Variants in ZNF385D observed in about 807,000 individuals in gnomAD.
ZNF385D encodes the protein zinc finger protein 659.
A neutral mutation model predicts 35.8 loss-of-function variants in ZNF385D; 15 were observed. The observed-to-expected ratio is 0.42, with a 90% CI of 0.28 to 0.64. The LOEUF (loss-of-function observed/expected upper bound fraction) is 0.64. Ranked by LOEUF, ZNF385D falls within the 30% of genes least tolerant of loss-of-function variation. The pLI is 0.23. For missense variants in ZNF385D, 474 were observed against 494.6 expected, an observed-to-expected ratio of 0.96 and a Z score of 0.39; for synonymous variants, 212 against 186.8, an observed-to-expected ratio of 1.13 and a Z score of -1.10.
At chr3:21,820,976 C>T (rs889689325) in intron 3 of ZNF385D, among the ~76,000 whole-genome samples, 2 of 151,040 alleles carry the variant, frequency 1.3e-5, no homozygotes, top group East Asian at 1.9e-4. Context: ...ATTACAAAAC[C>T]GATTAAAAAA....
rs2125260970 is a variant in ZNF385D at position 21,664,832 on chromosome 3, G to A, written c.165+54C>T. The stretch of plus-strand genomic sequence containing the variant: ...TGGCCGAACCAACCCTGGCCTTTAA[G>A]TTAGTTTTCCAATACCTTCCACTCA... On this transcript the variant is annotated intron_variant, in intron 2 of 7. Coordinates refer to ENST00000281523, the MANE Select transcript of ZNF385D (RefSeq NM_024697.3). The A allele has an allele frequency of 2.5e-6, 4 of 1,611,294 alleles. No individual in the cohort carries two copies. The South Asian group carries it at 4.4e-5, about 18-fold the overall frequency.
chr3:22,233,737 T>A (rs1389074190), intron 2 of ZNF385D, among the ~76,000 whole-genome samples: 1 of 152,050 alleles, frequency 6.6e-6, no homozygotes, highest in Non-Finnish European at 1.5e-5. Flanking sequence ...GACATTCTCA[T>A]CTTTTGAGTT....
At chr3:21,947,225 C>T (rs752919278) in intron 3 of ZNF385D, among the ~76,000 whole-genome samples, 32 of 152,002 alleles carry the variant, frequency 2.1e-4, no homozygotes, top group African/African-American at 7.3e-4. Flanking sequence ...AATACAATAG[C>T]GAATTTACGA....
intron 2 of ZNF385D, among the ~76,000 whole-genome samples, chr3:22,214,560 A>G (rs1426027490): frequency 6.6e-6 from 1 of 152,058 alleles, no homozygotes; most frequent in Non-Finnish European, 1.5e-5. Context: ...TCAGCAAGGA[A>G]CATTCCTGAG....
At chr3:22,176,888 A>T (rs1694865592) in intron 2 of ZNF385D, among the ~76,000 whole-genome samples, 1 of 152,220 alleles carries the variant, frequency 6.6e-6, no homozygotes, top group Admixed American at 6.5e-5. Context: ...AGTAGAATCT[A>T]CTACTATATA....
At chr3:21,911,032 T>C (rs1216413563) in intron 3 of ZNF385D, among the ~76,000 whole-genome samples, 3 of 151,928 alleles carry the variant, frequency 2.0e-5, no homozygotes, top group African/African-American at 7.2e-5. Context: ...GGTGCTGATA[T>C]GTTGAGAGAA....
intron 3 of ZNF385D, among the ~76,000 whole-genome samples, chr3:21,824,625 ATTTTC>A (rs1374014972): frequency 4.6e-5 from 7 of 152,102 alleles, no homozygotes; most frequent in African/African-American, 1.2e-4. Context: ...CATAGCCTAG[ATTTTC>A]TTTTAAGAAC....
intron 4 of ZNF385D, among the ~76,000 whole-genome samples, chr3:21,502,964 G>T (rs1405995406): frequency 1.3e-5 from 2 of 152,178 alleles, no homozygotes; most frequent in Admixed American, 1.3e-4. Flanking sequence ...CTTTGTTAGG[G>T]AGAATGGGTA....
intron 3 of ZNF385D, among the ~76,000 whole-genome samples, chr3:22,046,411 A>G (rs1333851105): frequency 1.3e-5 from 2 of 152,274 alleles, no homozygotes; most frequent in East Asian, 1.9e-4. Flanking sequence ...TGTTTATATA[A>G]AAAAGACATT....
intron 3 of ZNF385D, among the ~76,000 whole-genome samples, chr3:21,940,013 G>T (rs1701438616): frequency 6.6e-6 from 1 of 152,158 alleles, no homozygotes; most frequent in African/African-American, 2.4e-5. Flanking sequence ...AAAAGTTAGA[G>T]CTAAATGAAT....
At chr3:22,031,997 G>A (rs146297810) in intron 3 of ZNF385D, among the ~76,000 whole-genome samples, 44 of 152,276 alleles carry the variant, frequency 2.9e-4, no homozygotes, top group Non-Finnish European at 1.0e-4. Flanking sequence ...GATCTCTAGG[G>A]CAGGGGCAAA....
intron 3 of ZNF385D, among the ~76,000 whole-genome samples, chr3:21,847,509 T>C (rs1221545734): frequency 1.3e-5 from 2 of 152,130 alleles, no homozygotes; most frequent in Non-Finnish European, 2.9e-5. Context: ...TAGGATCTTC[T>C]TAACCTCTTG....
chr3:21,505,731 C>G (rs1158291423), intron 4 of ZNF385D, among the ~76,000 whole-genome samples: 2 of 152,084 alleles, frequency 1.3e-5, no homozygotes, highest in Admixed American at 6.6e-5. Flanking sequence ...TATGTAAGTG[C>G]CTTCATGTCC....
intron 2 of ZNF385D, among the ~76,000 whole-genome samples, chr3:22,270,939 A>T (rs990713418): frequency 6.6e-6 from 1 of 152,000 alleles, no homozygotes; most frequent in Non-Finnish European, 1.5e-5. Context: ...ATTTCAGTTA[A>T]TCTCCAAGTG....
chr3:21,838,707 T>C (rs1198547578), intron 3 of ZNF385D, among the ~76,000 whole-genome samples: 1 of 152,106 alleles, frequency 6.6e-6, no homozygotes, highest in Non-Finnish European at 1.5e-5. Context: ...CTGTTAATAA[T>C]ATGATCACAA....
intron 1 of ZNF385D, among the ~76,000 whole-genome samples, chr3:21,747,383 C>G (rs941402643): frequency 6.6e-5 from 10 of 152,158 alleles, no homozygotes; most frequent in African/African-American, 2.4e-4. Flanking sequence ...TGGCTATAAG[C>G]TTACCACAGT....
At chr3:22,204,979 CAAAAA>C (rs761954306) in intron 2 of ZNF385D, among the ~76,000 whole-genome samples, 2 of 92,982 alleles carry the variant, frequency 2.2e-5, no homozygotes, top group Admixed American at 1.2e-4. Context: ...TGACCAAATC[CAAAAA>C]AAAAAAAAAA....
intron 4 of ZNF385D, among the ~76,000 whole-genome samples, chr3:21,498,840 G>A (rs1374740928): frequency 6.6e-6 from 1 of 151,456 alleles, no homozygotes; most frequent in Non-Finnish European, 1.5e-5. Flanking sequence ...CTACTTGGGA[G>A]GCTGAGGCAG....
chr3:21,567,292 G>A lies in ZNF385D; in HGVS notation c.166-2608C>T, dbSNP rs929170717. Among the ~76,000 whole-genome samples the A allele has an allele frequency of 4.6e-5, 7 of 151,934 alleles. No homozygotes were observed. The South Asian group carries it at 8.3e-4, about 18-fold the overall frequency. On this transcript the variant is annotated intron_variant, in intron 2 of 7. Transcript: ENST00000281523. ...TAGGTTGGGCCTGCTGTAGAATAGC[G>A]GTATGAAGGGCCACAGGACATAGTA...
Sources: gnomAD v4.1 joint callset for allele counts (sites outside exome capture counted in the v4.1 genomes callset) on GRCh38, gnomAD v4.1.1 for gene constraint, MANE v1.5 for transcripts, NCBI Gene and HGNC (gene_info 2026-07-23, HGNC 2026-07-21) for gene names.